Variants in SPIDR observed in about 807,000 individuals in gnomAD.
SPIDR encodes the protein scaffold protein involved in DNA repair.
In SPIDR, 93 loss-of-function variants were observed where a neutral mutation model predicts 104.6. The observed-to-expected ratio is 0.89, with a 90% CI of 0.75 to 1.06. The LOEUF (loss-of-function observed/expected upper bound fraction) is 1.06, where lower values mean the gene tolerates loss of function less well. Ranked by LOEUF, SPIDR falls within the 50% of genes least tolerant of loss-of-function variation. The pLI, the probability that SPIDR is intolerant of heterozygous loss-of-function variation, is 0.00. For synonymous variants in SPIDR, 431 were observed against 416.9 expected (o/e 1.03, Z -0.41); for missense variants, 1,154 against 1,111.2 (o/e 1.04, Z -0.55).
chr8:47,308,701 C>T (rs2043574057), intron 5 of SPIDR, among the ~76,000 whole-genome samples: 1 of 152,154 alleles, frequency 6.6e-6, no homozygotes, highest in South Asian at 2.1e-4. Flanking sequence ...CAATGTGTGT[C>T]CACCTCTTTG....
chr8:47,310,771 T>C (rs1554584525), intron 5 of SPIDR, among the ~76,000 whole-genome samples: 1 of 152,074 alleles, frequency 6.6e-6, no homozygotes, highest in East Asian at 1.9e-4. Flanking sequence ...TAGGCTAAAA[T>C]AACTAAAGAT....
chr8:47,457,673 G>A lies in SPIDR; in HGVS notation c.1097+17131G>A, dbSNP rs534299088. On this transcript the variant is annotated intron_variant, in intron 8 of 19. Transcript: ENST00000297423. Reference sequence around the variant, plus strand: ...TCATGAAAACTTTGTCTAAGCCCATGTCTACTAGGGTTTTTCCGATGTTAT... The same window carrying A: ...TCATGAAAACTTTGTCTAAGCCCATATCTACTAGGGTTTTTCCGATGTTAT... 1.2e-4 allele frequency among the ~76,000 whole-genome samples: 18 copies of A among 152,156 alleles called. No individual in the cohort carries two copies. In the East Asian group the frequency reaches 3.3e-3, roughly 28 times the overall value.
intron 10 of SPIDR, among the ~76,000 whole-genome samples, chr8:47,648,008 G>A (rs1386137751): frequency 6.6e-6 from 1 of 152,194 alleles, no homozygotes; most frequent in Non-Finnish European, 1.5e-5. Flanking sequence ...GGTCTAGAAA[G>A]CCATGATAAT....
At chr8:47,700,350 G>A (rs1798005848) in intron 11 of SPIDR, 53 bp from the exon 12 acceptor site, 1 of 1,574,102 alleles carries the variant, frequency 6.4e-7, no homozygotes, top group Non-Finnish European at 8.7e-7. Context: ...CACTGGCCAA[G>A]TACTCAGTAA....
chr8:47,566,538 G>T (rs1245179261), intron 8 of SPIDR, among the ~76,000 whole-genome samples: 2 of 151,856 alleles, frequency 1.3e-5, no homozygotes, highest in African/African-American at 4.8e-5. Flanking sequence ...TTTTATTTTT[G>T]AAGTTCTCCT....
intron 7 of SPIDR, among the ~76,000 whole-genome samples, chr8:47,414,418 T>A (rs2063946757): frequency 6.6e-6 from 1 of 152,190 alleles, no homozygotes; most frequent in Admixed American, 6.5e-5. Flanking sequence ...CCTTACAATA[T>A]CACTTCTTAA....
At chr8:47,537,860 T>G (rs574093849) in intron 8 of SPIDR, among the ~76,000 whole-genome samples, 147 of 152,198 alleles carry the variant, frequency 9.7e-4, no homozygotes, top group South Asian at 3.3e-3. Flanking sequence ...ACTCTAAAAA[T>G]TAGTATATTA....
At chr8:47,684,998 C>T (rs1230159345) in intron 11 of SPIDR, among the ~76,000 whole-genome samples, 1 of 152,194 alleles carries the variant, frequency 6.6e-6, no homozygotes, top group African/African-American at 2.4e-5. Context: ...GCAGGTGGAT[C>T]ACCTGAGGTC....
intron 8 of SPIDR, among the ~76,000 whole-genome samples, chr8:47,593,445 G>A (rs564360166): frequency 6.6e-6 from 1 of 151,854 alleles, no homozygotes; most frequent in East Asian, 1.9e-4. Context: ...TTTTTAAATG[G>A]CTGCTTTAGA....
At chr8:47,651,874 G>A (rs1349510558) in intron 10 of SPIDR, among the ~76,000 whole-genome samples, 2 of 152,164 alleles carry the variant, frequency 1.3e-5, no homozygotes, top group Admixed American at 6.6e-5. Flanking sequence ...AATACTGTAT[G>A]TTCTCACTTA....
At chr8:47,324,854 T>C (rs1296292044) in intron 5 of SPIDR, among the ~76,000 whole-genome samples, 1 of 152,166 alleles carries the variant, frequency 6.6e-6, no homozygotes, top group Non-Finnish European at 1.5e-5. Context: ...TTTCTCACAG[T>C]CCTAGAGGCT....
At chr8:47,329,653 C>T (rs1025197889) in intron 5 of SPIDR, among the ~76,000 whole-genome samples, 1 of 152,092 alleles carries the variant, frequency 6.6e-6, no homozygotes, top group African/African-American at 2.4e-5. Flanking sequence ...TCTCTTCCTC[C>T]TTTTTATGCT....
chr8:47,493,506 T>TA (rs1458937796), intron 8 of SPIDR, among the ~76,000 whole-genome samples: 6 of 152,202 alleles, frequency 3.9e-5, no homozygotes, highest in Non-Finnish European at 1.5e-5. Context: ...ATGAAAATGT[T>TA]AAATGTAGAT....
At chr8:47,423,282 G>A (rs538087247) in intron 7 of SPIDR, among the ~76,000 whole-genome samples, 8 of 141,666 alleles carry the variant, frequency 5.6e-5, no homozygotes, top group Admixed American at 3.9e-4. Context: ...AGGTAACAGA[G>A]CGAGACTCTG....
chr8:47,513,068 C>A (rs980930309), intron 8 of SPIDR, among the ~76,000 whole-genome samples: 1 of 152,218 alleles, frequency 6.6e-6, no homozygotes. Context: ...AAGGTCACTT[C>A]TGAAACATAA....
chr8:47,632,163 T>C (rs776430022), intron 10 of SPIDR, among the ~76,000 whole-genome samples: 3 of 152,202 alleles, frequency 2.0e-5, no homozygotes, highest in Non-Finnish European at 4.4e-5. Context: ...AAAAAATATT[T>C]ACGTTTTAAT....
intron 5 of SPIDR, among the ~76,000 whole-genome samples, chr8:47,316,645 G>C (rs1314819447): frequency 6.6e-6 from 1 of 152,128 alleles, no homozygotes; most frequent in Non-Finnish European, 1.5e-5. Context: ...TCTAGAACAG[G>C]CAAAATTGAT....
At chr8:47,534,875 G>T (rs1331892614) in intron 8 of SPIDR, among the ~76,000 whole-genome samples, 1 of 151,864 alleles carries the variant, frequency 6.6e-6, no homozygotes, top group East Asian at 1.9e-4. Context: ...TTCTTTGAAC[G>T]ATTAATAAAA....
intron 8 of SPIDR, among the ~76,000 whole-genome samples, chr8:47,588,481 C>T (rs1252354402): frequency 2.0e-5 from 3 of 151,990 alleles, no homozygotes; most frequent in Non-Finnish European, 4.4e-5. Flanking sequence ...AGATTCCTTG[C>T]CATTTCCTGT....
Sources: gnomAD v4.1 joint callset for allele counts (sites outside exome capture counted in the v4.1 genomes callset) on GRCh38, gnomAD v4.1.1 for gene constraint, MANE v1.5 for transcripts, NCBI Gene and HGNC (gene_info 2026-07-23, HGNC 2026-07-21) for gene names.